Variants in GUCY1A1 observed in about 807,000 individuals in gnomAD.
GUCY1A1 encodes the protein guanylate cyclase soluble subunit alpha-1.
A neutral mutation model predicts 64.5 loss-of-function variants in GUCY1A1; 48 were observed. That is an observed-to-expected ratio of 0.74 (90% confidence interval 0.59 to 0.95). GUCY1A1 has a LOEUF of 0.95. GUCY1A1 is among the 40% of genes least tolerant of loss of function. The probability of loss-of-function intolerance (pLI) is 0.00; values close to 1 mark genes in which losing one functional copy is unlikely to be tolerated. For missense variants in GUCY1A1, 804 were observed against 825.3 expected (o/e 0.97, Z 0.32); for synonymous variants, 308 against 303.4 (o/e 1.02, Z -0.16).
At chr4:155,678,977 G>A (rs1560913406) in intron 2 of GUCY1A1, among the ~76,000 whole-genome samples, 1 of 152,016 alleles carries the variant, frequency 6.6e-6, no homozygotes, top group Non-Finnish European at 1.5e-5. Context: ...CAGATGTTTT[G>A]CCCATTTTAA....
intron 3 of GUCY1A1, among the ~76,000 whole-genome samples, chr4:155,702,101 T>C (rs1326057401): frequency 6.6e-6 from 1 of 152,074 alleles, no homozygotes; most frequent in East Asian, 1.9e-4. Context: ...GATGGAGGGG[T>C]AAGCAAAACC....
intron 2 of GUCY1A1, among the ~76,000 whole-genome samples, chr4:155,674,081 CGTGGTGGCTCA>C (rs551795198): frequency 0.01 from 1,529 of 151,488 alleles, 102 homozygotes; most frequent in African/African-American, 0.034. Context: ...TATGGCCGGG[CGTGGTGGCTCA>C]CGCCTGTAAT....
In GUCY1A1 at chr4:155,696,949, G is replaced by A. The variant is rs776600917; in HGVS notation, c.82G>A (p.Glu28Lys). Residue 28 changes from glutamate (E) to lysine (K), a missense_variant, in exon 3 of 10, where the codon GAG (glutamate) becomes AAG (lysine). Glu to Lys is a moderately conservative substitution (Grantham distance 56). Coordinates refer to ENST00000506455, the MANE Select transcript of GUCY1A1 (RefSeq NM_001130682.3). Reference sequence around the variant, plus strand: ...ACTGGCACCAGGTCAAGTTCCTAACGAGTCTTCAGAGGAGGCAGCAGGAAG... The same window carrying A: ...ACTGGCACCAGGTCAAGTTCCTAACAAGTCTTCAGAGGAGGCAGCAGGAAG... ...SLLAPGQVPN[E>K]SSEEAAGSSE... 33 of 1,613,056 alleles carry A rather than the reference G, an allele frequency of 2.0e-5. No individual in the cohort carries two copies. The highest frequency in any genetic ancestry group is 2.6e-5 in the Non-Finnish European group (31 of 1,179,248).
At chr4:155,716,476 T>A (rs1733247485) in intron 7 of GUCY1A1, among the ~76,000 whole-genome samples, 1 of 152,136 alleles carries the variant, frequency 6.6e-6, no homozygotes, top group African/African-American at 2.4e-5. Context: ...ACAATAATGA[T>A]GATGATAATG....
chr4:155,711,015 A>C lies in GUCY1A1; in HGVS notation c.850A>C (p.Lys284Gln). Residue 284 changes from lysine to glutamine, a missense_variant, in exon 6 of 10, where the codon AAG becomes CAG. Coordinates refer to ENST00000506455, the MANE Select transcript of GUCY1A1 (RefSeq NM_001130682.3). The stretch of plus-strand genomic sequence containing the variant: ...GGTGATTCCCACATCGCTATTCTGC[A>C]AGACATTTCCATTCCATTTCATGTT... ...SLVIPTSLFC[K>Q]TFPFHFMFDK... 6.2e-7 allele frequency: 1 copy of C among 1,614,052 alleles called. No homozygotes were observed. Among genetic ancestry groups the C allele is most frequent in the Non-Finnish European group, 8.5e-7 (1 of 1,179,904 alleles).
At chr4:155,712,505 CT>C (rs958539102) in intron 6 of GUCY1A1, among the ~76,000 whole-genome samples, 27 of 152,290 alleles carry the variant, frequency 1.8e-4, no homozygotes, top group African/African-American at 6.5e-4. Context: ...AGTAAACCTT[CT>C]TGTGGTCCAG....
At chr4:155,706,026 G>A (rs1560943532) in intron 4 of GUCY1A1, among the ~76,000 whole-genome samples, 1 of 152,128 alleles carries the variant, frequency 6.6e-6, no homozygotes, top group Non-Finnish European at 1.5e-5. Context: ...TATTCTCAGG[G>A]CTTTGTGTTC....
chr4:155,725,150 G>A (rs552577274), intron 9 of GUCY1A1, among the ~76,000 whole-genome samples: 1 of 152,176 alleles, frequency 6.6e-6, no homozygotes, highest in South Asian at 2.1e-4. Flanking sequence ...TTATTTATGT[G>A]TTGATTGCCT....
chr4:155,685,323 G>T (rs1728829406), intron 2 of GUCY1A1, among the ~76,000 whole-genome samples: 2 of 152,220 alleles, frequency 1.3e-5, no homozygotes, highest in Admixed American at 1.3e-4. Flanking sequence ...TTAAGGCTTT[G>T]CCAGTCATGT....
chr4:155,676,860 C>T (rs760034486), intron 2 of GUCY1A1, among the ~76,000 whole-genome samples: 20 of 151,456 alleles, frequency 1.3e-4, no homozygotes, highest in Non-Finnish European at 2.6e-4. Flanking sequence ...ACTTTGCTGT[C>T]TCTGCCTCGC....
chr4:155,698,097 T>G (rs1249958684), intron 3 of GUCY1A1, among the ~76,000 whole-genome samples: 1 of 152,172 alleles, frequency 6.6e-6, no homozygotes, highest in Admixed American at 6.5e-5. Flanking sequence ...ACAGATAATC[T>G]TGTTTCACTC....
At chr4:155,712,379 G>A (rs1417929026) in intron 6 of GUCY1A1, among the ~76,000 whole-genome samples, 3 of 152,082 alleles carry the variant, frequency 2.0e-5, no homozygotes, top group Non-Finnish European at 2.9e-5. Flanking sequence ...TGATCCATCC[G>A]CCTCGTTCTC....
At chr4:155,690,953 G>A (rs58369304) in intron 2 of GUCY1A1, among the ~76,000 whole-genome samples, 14,977 of 152,132 alleles carry the variant, frequency 0.098, 2,436 homozygotes, top group African/African-American at 0.34. Flanking sequence ...GCATGAATGC[G>A]TGAATGATGT....
intron 8 of GUCY1A1, among the ~76,000 whole-genome samples, chr4:155,719,425 T>A (rs940153059): frequency 6.6e-6 from 1 of 151,906 alleles, no homozygotes; most frequent in Non-Finnish European, 1.5e-5. Flanking sequence ...AATAACACTT[T>A]AAAGAGGCAT....
At chr4:155,725,692 C>CTGATATTA (rs1203850171) in intron 9 of GUCY1A1, among the ~76,000 whole-genome samples, 1 of 151,972 alleles carries the variant, frequency 6.6e-6, no homozygotes, top group Non-Finnish European at 1.5e-5. Context: ...TTAGGGGGCA[C>CTGATATTA]TGATATTAGC....
chr4:155,716,728 T>C (rs1249948355), intron 7 of GUCY1A1, among the ~76,000 whole-genome samples: 1 of 152,196 alleles, frequency 6.6e-6, no homozygotes, highest in African/African-American at 2.4e-5. Context: ...GTGACATTTA[T>C]TGAGTAGTGA....
At position 155,736,223 on chromosome 4, in the gene GUCY1A1, A is replaced by G. The variant is rs557375904; in HGVS notation, c.*5992A>G. 6 of 152,082 alleles carry G rather than the reference A, an allele frequency of 3.9e-5. No individual in the cohort carries two copies. The highest frequency in any genetic ancestry group is 5.9e-5 in the Non-Finnish European group (4 of 67,924). 9.4% of individuals were successfully genotyped at this position (152,082 alleles called of 1,614,324 possible). On this transcript the variant is annotated 3_prime_UTR_variant, in exon 10 of 10. Coordinates refer to ENST00000506455, the MANE Select transcript of GUCY1A1 (RefSeq NM_001130682.3). ...TATTAGGACAGCTTTTCTTTTCTAA[A>G]TGAGCATGAATATAAATAGAAATTC...
chr4:155,728,122 A>T (rs533422778), intron 9 of GUCY1A1, among the ~76,000 whole-genome samples: 1 of 152,048 alleles, frequency 6.6e-6, no homozygotes, highest in African/African-American at 2.4e-5. Context: ...GAATCCACTC[A>T]GTATTATGTT....
intron 9 of GUCY1A1, among the ~76,000 whole-genome samples, chr4:155,728,407 G>T (rs1375962486): frequency 6.6e-6 from 1 of 151,828 alleles, no homozygotes; most frequent in Non-Finnish European, 1.5e-5. Context: ...TACTATATGT[G>T]CATGTGATAT....
Sources: allele counts gnomAD v4.1 joint callset (sites outside exome capture counted in the v4.1 genomes callset), GRCh38; gene constraint gnomAD v4.1.1; transcripts MANE v1.5; gene names NCBI Gene and HGNC (gene_info 2026-07-23, HGNC 2026-07-21).